Variants in OSBPL1A observed in about 807,000 individuals in gnomAD.
OSBPL1A encodes oxysterol binding protein like 1A.
OSBPL1A carries 80 observed loss-of-function variants against 137.1 expected under a neutral mutation model. That is an observed-to-expected ratio of 0.58 (90% CI 0.49 to 0.70). The LOEUF is 0.70. Ranked by LOEUF, OSBPL1A falls within the 30% of genes least tolerant of loss-of-function variation. OSBPL1A has a pLI of 0.00. For synonymous variants in OSBPL1A, 365 were observed against 389.7 expected (o/e 0.94, Z 0.75); for missense variants, 970 against 1,129.4 (o/e 0.86, Z 2.02).
chr18:24,228,168 C>T (rs1234406528), intron 16 of OSBPL1A, among the ~76,000 whole-genome samples: 1 of 152,080 alleles, frequency 6.6e-6, no homozygotes, highest in Non-Finnish European at 1.5e-5. Flanking sequence ...CCTAGGGATG[C>T]TCCATCAGAT....
intron 5 of OSBPL1A, among the ~76,000 whole-genome samples, chr18:24,338,186 C>T (rs2091211094): frequency 6.6e-6 from 1 of 151,586 alleles, no homozygotes; most frequent in Non-Finnish European, 1.5e-5. Context: ...GATTCTCCTG[C>T]CTCAGCTTCC....
At chr18:24,226,693 C>T (rs1006446968) in intron 16 of OSBPL1A, among the ~76,000 whole-genome samples, 14 of 152,134 alleles carry the variant, frequency 9.2e-5, no homozygotes, top group Non-Finnish European at 1.3e-4. Flanking sequence ...CTTAGGAGAA[C>T]GACGGTTGGA....
intron 18 of OSBPL1A, among the ~76,000 whole-genome samples, chr18:24,193,094 G>T (rs979572376): frequency 1.3e-5 from 2 of 152,238 alleles, no homozygotes; most frequent in Non-Finnish European, 2.9e-5. Context: ...GGTAAGGGAA[G>T]AGAGATGATA....
At chr18:24,358,453 C>G (rs769885347) in intron 4 of OSBPL1A, 1 of 702,288 alleles carries the variant, frequency 1.4e-6, no homozygotes, top group Non-Finnish European at 2.6e-6. Flanking sequence ...TGTGATGCCA[C>G]GAGCACTCCA....
chr18:24,228,342 T>G (rs1465316348), intron 16 of OSBPL1A, among the ~76,000 whole-genome samples: 1 of 146,752 alleles, frequency 6.8e-6, no homozygotes, highest in Non-Finnish European at 1.5e-5. Context: ...CTCAAACCTC[T>G]CGCTATAATA....
chr18:24,223,660 G>A (rs559531098), intron 17 of OSBPL1A, among the ~76,000 whole-genome samples: 1 of 152,214 alleles, frequency 6.6e-6, no homozygotes, highest in African/African-American at 2.4e-5. Context: ...ATATAATTCT[G>A]TCAAATGCAA....
At chr18:24,330,798 C>T (rs1425049081) in intron 7 of OSBPL1A, among the ~76,000 whole-genome samples, 4 of 148,476 alleles carry the variant, frequency 2.7e-5, no homozygotes, top group South Asian at 2.1e-4. Flanking sequence ...CTTTATGAAA[C>T]TATTTCTTTT....
chr18:24,174,719 G>A (rs2086378418), intron 21 of OSBPL1A, among the ~76,000 whole-genome samples: 1 of 151,908 alleles, frequency 6.6e-6, no homozygotes, highest in Non-Finnish European at 1.5e-5. Flanking sequence ...AGCTCATTGT[G>A]GTTTTAACTC....
intron 7 of OSBPL1A, among the ~76,000 whole-genome samples, chr18:24,329,286 C>T (rs994668888): frequency 4.0e-5 from 6 of 151,818 alleles, no homozygotes; most frequent in Admixed American, 1.3e-4. Flanking sequence ...GCAGTGGCTC[C>T]CACCTGTAAT....
chr18:24,392,305 C>A (rs1365820409), intron 1 of OSBPL1A, among the ~76,000 whole-genome samples: 1 of 152,114 alleles, frequency 6.6e-6, no homozygotes, highest in African/African-American at 2.4e-5. Context: ...GGATTACAAG[C>A]ATGTGCCACC....
At chr18:24,206,711 T>G (rs147434675) in intron 17 of OSBPL1A, among the ~76,000 whole-genome samples, 8 of 152,324 alleles carry the variant, frequency 5.3e-5, no homozygotes, top group Non-Finnish European at 8.8e-5. Context: ...CCTTGGGGAA[T>G]GATCTCAAAG....
At chr18:24,388,767 T>C (rs1168925401) in intron 1 of OSBPL1A, among the ~76,000 whole-genome samples, 2 of 138,280 alleles carry the variant, frequency 1.4e-5, no homozygotes, top group African/African-American at 5.6e-5. Flanking sequence ...GCCACTGCAC[T>C]TCAGTCTGGG....
chr18:24,243,083 G>A (rs1423761607), intron 15 of OSBPL1A, among the ~76,000 whole-genome samples: 1 of 152,032 alleles, frequency 6.6e-6, no homozygotes, highest in Admixed American at 6.6e-5. Context: ...TACAAAATAA[G>A]CCAGGCGCAG....
chr18:24,368,532 G>A (rs1905353209), intron 2 of OSBPL1A, 160 bp from the exon 3 acceptor site: 1 of 589,054 alleles, frequency 1.7e-6, no homozygotes, highest in Non-Finnish European at 3.1e-6. Context: ...TGGGTGTAAA[G>A]GACGAGAACT....
rs1178254273 is a variant in OSBPL1A at position 24,280,913 on chromosome 18, C to T, written c.1210G>A (p.Val404Ile). The T allele has an allele frequency of 6.2e-7, 1 of 1,606,896 alleles. No homozygotes were observed. Residue 404 changes from valine (V) to isoleucine (I), a missense_variant, in exon 15 of 28, where the codon GTC (valine) becomes ATC (isoleucine). By Grantham distance (29) the Val-to-Ile change is conservative. Coordinates refer to ENST00000319481, the MANE Select transcript of OSBPL1A (RefSeq NM_080597.4). ...LPSFLQKVEV[V>I]SEASRETCVA... ...CAAGTTTCTCTAGAAGCTTCTGAGA[C>T]AACTTCAACTTTCTGAAGAAATGAT...
chr18:24,269,360 TC>T (rs2089659606), intron 15 of OSBPL1A, among the ~76,000 whole-genome samples: 1 of 152,196 alleles, frequency 6.6e-6, no homozygotes, highest in Non-Finnish European at 1.5e-5. Flanking sequence ...TCCCTTCCAT[TC>T]CGGTCTTAAC....
At chr18:24,261,781 T>A (rs985366647) in intron 15 of OSBPL1A, among the ~76,000 whole-genome samples, 30 of 152,230 alleles carry the variant, frequency 2.0e-4, no homozygotes, top group Middle Eastern at 3.4e-3. Context: ...TGCAGTGAGC[T>A]GAGACCTCTG....
chr18:24,335,427 C>A (rs1308113042), intron 5 of OSBPL1A, among the ~76,000 whole-genome samples: 2 of 152,182 alleles, frequency 1.3e-5, no homozygotes, highest in Admixed American at 6.5e-5. Flanking sequence ...AGAGTCCATG[C>A]TCTTATCACT....
At chr18:24,354,597 C>T (rs1217458294) in intron 4 of OSBPL1A, among the ~76,000 whole-genome samples, 3 of 151,864 alleles carry the variant, frequency 2.0e-5, no homozygotes, top group African/African-American at 7.3e-5. Flanking sequence ...CAGAGTACCA[C>T]TGAGGAACGT....
Sources: gnomAD v4.1 joint callset for allele counts (sites outside exome capture counted in the v4.1 genomes callset) on GRCh38, gnomAD v4.1.1 for gene constraint, MANE v1.5 for transcripts, NCBI Gene and HGNC (gene_info 2026-07-23, HGNC 2026-07-21) for gene names.